IGSF5: variants seen among roughly 807,000 people sequenced by gnomAD.
The protein encoded by IGSF5 is immunoglobulin superfamily 5 like.
IGSF5 carries 41 observed loss-of-function variants against 39.4 expected under a neutral mutation model. The observed-to-expected ratio is 1.04, with a 90% CI of 0.81 to 1.35. The LOEUF (loss-of-function observed/expected upper bound fraction) is 1.35. Among genes scored for constraint, IGSF5 ranks in the 40% most tolerant of loss-of-function variants. The probability of loss-of-function intolerance (pLI) is 0.00; values close to 1 mark genes in which losing one functional copy is unlikely to be tolerated. For synonymous variants in IGSF5, 183 were observed against 175.3 expected, an observed-to-expected ratio of 1.04 and a Z score of -0.34; for missense variants, 487 against 494.6, an observed-to-expected ratio of 0.98 and a Z score of 0.15.
At position 39,798,432 on chromosome 21, in the gene IGSF5, G is replaced by C. The variant is rs79042967; in HGVS notation, c.1129-2830G>C. Among the ~76,000 whole-genome samples, 167 of 152,240 alleles carry C rather than the reference G, an allele frequency of 1.1e-3. No homozygotes were observed. In the East Asian group the frequency reaches 0.029, roughly 27 times the overall value. Reference sequence around the variant, plus strand: ...TCTGCCGGGAGTCAGCTGTATTTCCGCAAGTAGAGGAGTGTCTGGACACTG... The same window carrying C: ...TCTGCCGGGAGTCAGCTGTATTTCCCCAAGTAGAGGAGTGTCTGGACACTG... On this transcript the variant is annotated intron_variant, in intron 8 of 8. Transcript: ENST00000380588.
chr21:39,775,126 G>A (rs1601133675), intron 4 of IGSF5, among the ~76,000 whole-genome samples: 1 of 151,292 alleles, frequency 6.6e-6, no homozygotes, highest in East Asian at 1.9e-4. Context: ...GCCAGGATTG[G>A]GGGCTACTGA....
At chr21:39,742,409 G>A (rs2079952266), upstream of IGSF5, among the ~76,000 whole-genome samples, 1 of 152,216 alleles carries the variant, frequency 6.6e-6, no homozygotes, top group African/African-American at 2.4e-5. Flanking sequence ...AGACTGAGAA[G>A]GCCGCACCGG....
At chr21:39,717,517 A>G in the IGSF5 span, among the ~76,000 whole-genome samples, 1 of 152,200 alleles carries the variant, frequency 6.6e-6, no homozygotes, top group African/African-American at 2.4e-5. Context: ...TGATTTGTGT[A>G]TATGGTGTAA....
At chr21:39,788,088 A>G in intron 5 of IGSF5, 79 bp from the exon 6 acceptor site, 1 of 1,037,922 alleles carries the variant, frequency 9.6e-7, no homozygotes, top group Non-Finnish European at 1.5e-6. Flanking sequence ...AAAATAAGGG[A>G]GTGTATAAAA....
At chr21:39,797,035 G>C (rs891051045) in intron 8 of IGSF5, among the ~76,000 whole-genome samples, 2 of 152,136 alleles carry the variant, frequency 1.3e-5, no homozygotes, top group African/African-American at 4.8e-5. Context: ...TTAACACTCG[G>C]CAATTTCAGG....
the IGSF5 span, among the ~76,000 whole-genome samples, chr21:39,721,005 G>A: frequency 1.3e-5 from 2 of 152,192 alleles, no homozygotes; most frequent in African/African-American, 4.8e-5. Context: ...TGAACTGCAG[G>A]TGGAAGTAAC....
chr21:39,801,252 C>G lies in IGSF5; in HGVS notation c.1129-10C>G, dbSNP rs1219375528. ...CCATTAAATTGACTTTTTTCCTCCT[C>G]TGTTGCCAGCGGGCTGATCAACGTC... On this transcript the variant is annotated splice_polypyrimidine_tract_variant and intron_variant, in intron 8 of 8. Coordinates refer to ENST00000380588, the MANE Select transcript of IGSF5 (RefSeq NM_001080444.2). The G allele has an allele frequency of 6.2e-7, 1 of 1,612,050 alleles. No individual in the cohort carries two copies. The highest frequency in any genetic ancestry group is 1.7e-5 in the Admixed American group (1 of 59,964).
chr21:39,781,740 A>G (rs2080171628), intron 5 of IGSF5, among the ~76,000 whole-genome samples: 1 of 152,216 alleles, frequency 6.6e-6, no homozygotes. Context: ...AGGTTGAACT[A>G]CTGTTCCATC....
At chr21:39,748,495 G>T (rs1426772652) in intron 2 of IGSF5, among the ~76,000 whole-genome samples, 1 of 151,696 alleles carries the variant, frequency 6.6e-6, no homozygotes, top group Non-Finnish European at 1.5e-5. Context: ...GTTATTAGTA[G>T]AGACAGGGTT....
rs991419316 is a variant in IGSF5, at chr21:39,770,911, T to C, written c.419-5T>C. ...TTCAATGTGTTTCTCTCTTTTCTTC[T>C]TTAGTTATGGGAGAGCTGTTCATTC... On this transcript the variant is annotated splice_region_variant and splice_polypyrimidine_tract_variant and intron_variant, in intron 3 of 8. Coordinates refer to ENST00000380588, the MANE Select transcript of IGSF5 (RefSeq NM_001080444.2). The C allele has an allele frequency of 4.0e-6, 6 of 1,484,640 alleles. No homozygotes were observed. The African/African-American group carries it at 8.5e-5, about 21-fold the overall frequency. 92.0% of individuals were successfully genotyped at this position (1,484,640 alleles called of 1,614,324 possible).
Position 39,793,700 on chromosome 21 carries a change from C to T in IGSF5, c.1128+87C>T, listed in dbSNP as rs74489149. ...TTGTGGGTGATTATAAAATGGTGCG[C>T]GTTGTGTATTCATGATGGTGGCATG... On this transcript the variant is annotated intron_variant, in intron 8 of 8. Coordinates refer to ENST00000380588, the MANE Select transcript of IGSF5 (RefSeq NM_001080444.2). 9,260 of 1,056,094 alleles carry T rather than the reference C, an allele frequency of 8.8e-3. 481 individuals carry two copies. In the East Asian group the frequency reaches 0.13, roughly 15 times the overall value. 65.4% of individuals were successfully genotyped at this position (1,056,094 alleles called of 1,614,324 possible). A position where few individuals can be genotyped will look rare whatever the true frequency, so the allele number is the denominator to read the frequency against.
chr21:39,796,920 G>T (rs947795581), intron 8 of IGSF5, among the ~76,000 whole-genome samples: 2 of 152,178 alleles, frequency 1.3e-5, no homozygotes, highest in Non-Finnish European at 2.9e-5. Flanking sequence ...TTAATAGATC[G>T]CAGAACAGGA....
At chr21:39,756,297 T>C (rs2837162) in intron 2 of IGSF5, among the ~76,000 whole-genome samples, 124,323 of 152,236 alleles carry the variant, frequency 0.82, 50,943 homozygotes, top group Admixed American at 0.86. Context: ...CTTTGCTGTC[T>C]TTCACGCTGA....
At chr21:39,766,823 A>G (rs1482760028) in intron 3 of IGSF5, among the ~76,000 whole-genome samples, 5 of 151,484 alleles carry the variant, frequency 3.3e-5, no homozygotes, top group East Asian at 1.9e-4. Flanking sequence ...AGAATATATT[A>G]TATCTTATAA....
chr21:39,760,702 C>T (rs1177000574), intron 2 of IGSF5, among the ~76,000 whole-genome samples: 5 of 152,056 alleles, frequency 3.3e-5, no homozygotes, highest in African/African-American at 4.8e-5. Context: ...TCCCGAGTAG[C>T]TGGGACTACA....
At chr21:39,734,496 A>C in the IGSF5 span, among the ~76,000 whole-genome samples, 1 of 151,040 alleles carries the variant, frequency 6.6e-6, no homozygotes, top group African/African-American at 2.4e-5. Context: ...TTATAATATC[A>C]TACAGAATAG....
chr21:39,742,107 C>G (rs2079951050), upstream of IGSF5, among the ~76,000 whole-genome samples: 1 of 151,644 alleles, frequency 6.6e-6, no homozygotes, highest in South Asian at 2.1e-4. Flanking sequence ...CTTTGCTTGT[C>G]CATATTGTCC....
intron 6 of IGSF5, among the ~76,000 whole-genome samples, chr21:39,790,610 A>G (rs1034218929): frequency 1.3e-5 from 2 of 151,876 alleles, no homozygotes; most frequent in African/African-American, 4.8e-5. Context: ...GTGAGCCGAG[A>G]TCACACCACT....
At chr21:39,773,376 G>A (rs2080124244) in intron 4 of IGSF5, among the ~76,000 whole-genome samples, 1 of 151,974 alleles carries the variant, frequency 6.6e-6, no homozygotes, top group Non-Finnish European at 1.5e-5. Flanking sequence ...TTACTTCTAT[G>A]GTGATTGTAA....
Sources: allele counts gnomAD v4.1 joint callset (sites outside exome capture counted in the v4.1 genomes callset), GRCh38; gene constraint gnomAD v4.1.1; transcripts MANE v1.5; gene names NCBI Gene and HGNC (gene_info 2026-07-23, HGNC 2026-07-21).